Variants in MYO15A observed in about 807,000 individuals in gnomAD.
MYO15A encodes the protein myosin XVA.
MYO15A carries 308 observed loss-of-function variants against 394.6 expected under a neutral mutation model. The ratio of observed to expected loss-of-function variants is 0.78; its 90% CI spans 0.71 to 0.86. The LOEUF is 0.86. Among genes scored for constraint, MYO15A ranks in the 40% least tolerant of loss-of-function variants. MYO15A has a pLI of 0.00. For synonymous variants in MYO15A, 1,957 were observed against 2,003.8 expected, an observed-to-expected ratio of 0.98 and a Z score of 0.62; for missense variants, 4,606 against 4,799.1, an observed-to-expected ratio of 0.96 and a Z score of 1.19.
At chr17:18,156,103 C>T (rs2046670220) in intron 47 of MYO15A, 92 bp from the exon 48 acceptor site, 1 of 1,600,012 alleles carries the variant, frequency 6.2e-7, no homozygotes, top group East Asian at 2.2e-5. Context: ...GGCTGGGCTT[C>T]AAATGGGGCA....
intron 15 of MYO15A, among the ~76,000 whole-genome samples, chr17:18,136,942 CT>C (rs2046290183): frequency 6.6e-6 from 1 of 152,260 alleles, no homozygotes. Context: ...GGGCCCTGCC[CT>C]TGGGGAGCTT....
In MYO15A at chr17:18,168,567, CAAAAA is replaced by C. The variant is rs769813064; in HGVS notation, c.10082+853_10082+857del. On this transcript the variant is annotated intron_variant, in intron 62 of 65. Coordinates refer to ENST00000647165, the MANE Select transcript of MYO15A (RefSeq NM_016239.4). ...GGGGTGACAGAGCAAGACTCCGTCTCAAAAAAAAAAAAAGAAAGAAAAGAAACAGG... is the reference window on the plus strand; with the variant it reads ...GGGGTGACAGAGCAAGACTCCGTCTCAAAAAAAAGAAAGAAAAGAAACAGG... 1.3e-4 allele frequency among the ~76,000 whole-genome samples: 13 copies of C among 98,558 alleles called. 1 individual carries two copies. In the Admixed American group the frequency reaches 1.3e-3, roughly 10 times the overall value. 64.7% of individuals were successfully genotyped at this position (98,558 alleles called of 152,430 possible). A position where few individuals can be genotyped will look rare whatever the true frequency, so the allele number is the denominator to read the frequency against.
Position 18,157,863 on chromosome 17 carries a change from C to T in MYO15A, c.8930C>T (p.Ser2977Phe), listed in dbSNP as rs2079525775. The T allele has an allele frequency of 6.7e-7, 1 of 1,489,240 alleles. No individual in the cohort carries two copies. Among genetic ancestry groups the T allele is most frequent in the Non-Finnish European group, 9.0e-7 (1 of 1,114,880 alleles). The allele number at this position is 1,489,240 out of a possible 1,614,324, so 92.3% of individuals were successfully genotyped here. A position where few individuals can be genotyped will look rare whatever the true frequency, so the allele number is the denominator to read the frequency against. ...RAAAVAAAVA[S>F]AAAAQEVGRR... is the part of the protein sequence containing the mutation. ...GCCGCCGTGGCCGCTGCTGTGGCCT[C>T]TGCAGCCGCTGCACAGGAGGTGGGC... The change falls in exon 51 of 66, where the codon TCT (serine) becomes TTT (phenylalanine). Residue 2977 changes from serine to phenylalanine, a missense_variant. Physicochemically the swap from Ser to Phe is radical, Grantham distance 155 (BLOSUM62 -2). Transcript: ENST00000647165.
At position 18,126,452 on chromosome 17, in the gene MYO15A, C is replaced by T. The variant is rs768074874; in HGVS notation, c.3862C>T (p.Pro1288Ser). The change falls in exon 5 of 66, where the codon CCC (proline) becomes TCC (serine). Residue 1288 changes from proline (P) to serine (S), a missense_variant. Around this residue, in one of 2 missense-constraint regions of MYO15A, gnomAD observed 2,776 missense variants for 3,109.3 expected, o/e 0.89. Transcript: ENST00000647165. ...QYNGRALGENPPHLFAVANLA... is the reference protein window; with the variant it reads ...QYNGRALGENSPHLFAVANLA... Reference sequence around the variant, plus strand: ...CAACGGACGGGCCCTGGGAGAGAATCCCCCGTGAGTGTCTCGGGGGCGCTG... The same window carrying T: ...CAACGGACGGGCCCTGGGAGAGAATTCCCCGTGAGTGTCTCGGGGGCGCTG... 1.5e-5 allele frequency: 24 copies of T among 1,613,600 alleles called. No homozygotes were observed. The highest frequency in any genetic ancestry group is 1.9e-5 in the Non-Finnish European group (22 of 1,179,906).
intron 33 of MYO15A, 130 bp from the exon 34 acceptor site, chr17:18,149,086 G>A: frequency 1.4e-6 from 2 of 1,480,030 alleles, no homozygotes; most frequent in Non-Finnish European, 1.8e-6. Flanking sequence ...GGTTCTTAAG[G>A]AGGTAGAGTT....
chr17:18,132,407 C>G lies in MYO15A; in HGVS notation c.4207-46C>G. ...GCTTGTATGTGTGCCTGGGGGTCAC[C>G]TAGGTAGGTGGCTCCCTTCTCTGTG... On this transcript the variant is annotated intron_variant, in intron 10 of 65. Coordinates refer to ENST00000647165, the MANE Select transcript of MYO15A (RefSeq NM_016239.4). The surrounding 1 kb of genome is among the most constrained non-coding windows in gnomAD (Gnocchi z 4.6). The G allele has an allele frequency of 1.3e-6, 2 of 1,512,480 alleles. No individual in the cohort carries two copies. Among genetic ancestry groups the G allele is most frequent in the Non-Finnish European group, 9.2e-7 (1 of 1,089,504 alleles). 93.7% of individuals were successfully genotyped at this position (1,512,480 alleles called of 1,614,324 possible).
At chr17:18,141,224 G>A (rs2046373731) in intron 22 of MYO15A, 81 bp downstream of exon 22, 1 of 1,596,550 alleles carries the variant, frequency 6.3e-7, no homozygotes, top group African/African-American at 1.3e-5. Flanking sequence ...AACCCAGGCA[G>A]TACAGGGCTT....
intron 65 of MYO15A, among the ~76,000 whole-genome samples, chr17:18,175,210 C>A (rs1454079675): frequency 6.6e-6 from 1 of 151,606 alleles, no homozygotes; most frequent in East Asian, 1.9e-4. Context: ...TGAGCCACTG[C>A]ACCCAGCCTT....
At position 18,137,100 on chromosome 17, in the gene MYO15A, T is replaced by TG. The variant is rs556357971; in HGVS notation, c.4779+420dup. On this transcript the variant is annotated intron_variant, in intron 15 of 65. Transcript: ENST00000647165. ...AGGTCTGGGACTGGACTTCGTGTGT[T>TG]GGGGGGTGACTGTTTTGTGAGTGCA... Among the ~76,000 whole-genome samples, 413 of 152,164 alleles carry TG rather than the reference T, an allele frequency of 2.7e-3. 4 individuals carry two copies. Among genetic ancestry groups the TG allele is most frequent in the African/African-American group, 9.5e-3 (394 of 41,514 alleles).
chr17:18,123,971 G>A (rs1297321206), intron 2 of MYO15A: 1 of 199,220 alleles, frequency 5.0e-6, no homozygotes, highest in Non-Finnish European at 1.1e-5. Context: ...GTGTGCCTGG[G>A]AGTTGTATGA....
Position 18,142,165 on chromosome 17 carries a change from C to T in MYO15A, c.5736C>T (p.Cys1912=), listed in dbSNP as rs914377883. The change falls in exon 24 of 66, where the codon TGC becomes TGT. Residue 1912 remains cysteine (C), a synonymous_variant. Transcript: ENST00000647165. ...TGGCAGCCCTCACTCTGCAGCGCTG[C>T]CTCCGTGGCTTCTTCATTAAGCGGC... The part of the protein sequence containing the change: ...LNLAALTLQR[C]LRGFFIKRRF... 35 of 1,613,930 alleles carry T rather than the reference C, an allele frequency of 2.2e-5. No homozygotes were observed. Among genetic ancestry groups the T allele is most frequent in the Non-Finnish European group, 3.0e-5 (35 of 1,180,034 alleles).
At position 18,120,187 on chromosome 17, in the gene MYO15A, A is replaced by G. The variant is rs201794569; in HGVS notation, c.1387A>G (p.Met463Val). The G allele has an allele frequency of 1.4e-3, 2,236 of 1,612,908 alleles. 5 individuals carry two copies. Among genetic ancestry groups the G allele is most frequent in the Middle Eastern group, 2.3e-3 (14 of 6,062 alleles). Residue 463 changes from methionine (M) to valine (V), a missense_variant, in exon 2 of 66, where the codon ATG becomes GTG. By Grantham distance (21) the Met-to-Val change is conservative (BLOSUM62 1). This residue lies in a region of MYO15A where 1,830 missense variants were observed against 1,689.7 expected (regional missense o/e 1.08). Coordinates refer to ENST00000647165, the MANE Select transcript of MYO15A (RefSeq NM_016239.4). ...PSAAFFEQQG[M>V]DKPARSKLSL... ...CGCCGCCTTCTTCGAGCAGCAAGGC[A>G]TGGATAAGCCCGCCAGGTCCAAGCT...
Position 18,167,735 on chromosome 17 carries a change from CCCT to C in MYO15A, c.10082+16_10082+18del, listed in dbSNP as rs1475375142. On this transcript the variant is annotated intron_variant, in intron 62 of 65. Transcript: ENST00000647165. ...TACCTGCCGAGCGTGTGAGCATCTGCCCTCCTGCCTCAGCTGGGGTGGACAGGC... is the reference window on the plus strand; with the variant it reads ...TACCTGCCGAGCGTGTGAGCATCTGCCCTGCCTCAGCTGGGGTGGACAGGC... The C allele has an allele frequency of 1.9e-6, 3 of 1,602,038 alleles. No homozygotes were observed. Among genetic ancestry groups the C allele is most frequent in the Non-Finnish European group, 2.5e-6 (3 of 1,179,920 alleles).
intron 13 of MYO15A, 125 bp from the exon 14 acceptor site, chr17:18,136,290 CTG>C (rs1375997186): frequency 8.4e-7 from 1 of 1,195,704 alleles, no homozygotes; most frequent in Non-Finnish European, 1.2e-6. Flanking sequence ...TGCCTAGTCT[CTG>C]TGTGCACAGT....
In MYO15A at chr17:18,135,808, T is replaced by C. The variant is rs2046256644; in HGVS notation, c.4580T>C (p.Ile1527Thr). ...QISPEGLQKA[I>T]TFKVTETMRE... is the part of the protein sequence containing the mutation. ...TCCCCTGAGGGCCTGCAGAAGGCCATCACCTTCAAAGTGACCGTGAGTCTG... is the reference window on the plus strand; with the variant it reads ...TCCCCTGAGGGCCTGCAGAAGGCCACCACCTTCAAAGTGACCGTGAGTCTG... Residue 1527 changes from isoleucine to threonine, a missense_variant, in exon 13 of 66, where the codon ATC (isoleucine) becomes ACC (threonine). Physicochemically the swap from Ile to Thr is moderately conservative, Grantham distance 89 (BLOSUM62 -1). Transcript: ENST00000647165. 6.2e-7 allele frequency: 1 copy of C among 1,613,964 alleles called. No homozygotes were observed. Among genetic ancestry groups the C allele is most frequent in the African/African-American group, 1.3e-5 (1 of 75,038 alleles).
At chr17:18,112,461 T>C (rs961830366) in intron 1 of MYO15A, among the ~76,000 whole-genome samples, 3 of 152,070 alleles carry the variant, frequency 2.0e-5, no homozygotes, top group Non-Finnish European at 4.4e-5. Flanking sequence ...AGTGGTGCAA[T>C]CTTGGCTCAC....
chr17:18,164,659 GCGAAGCC>G (rs1329780328), intron 60 of MYO15A: 1 of 151,970 alleles, frequency 6.6e-6, no homozygotes, highest in Non-Finnish European at 1.5e-5. Flanking sequence ...GGCCAACATG[GCGAAGCC>G]CCATCTCTAC....
Position 18,161,432 on chromosome 17 carries a change from G to T in MYO15A, c.9502G>T (p.Gly3168Cys). 6.2e-7 allele frequency: 1 copy of T among 1,613,934 alleles called. No homozygotes were observed. The change falls in exon 57 of 66, where the codon GGC (glycine) becomes TGC (cysteine). Residue 3168 changes from glycine to cysteine, a missense_variant. Around this residue, in one of 2 missense-constraint regions of MYO15A, gnomAD observed 2,776 missense variants for 3,109.3 expected, o/e 0.89. Coordinates refer to ENST00000647165, the MANE Select transcript of MYO15A (RefSeq NM_016239.4). ...CCTCCAAGACGTGAGCCGGACCCCAGGCCTGCCCTTTCAGGGTGAGAGGTC... is the reference window on the plus strand; with the variant it reads ...CCTCCAAGACGTGAGCCGGACCCCATGCCTGCCCTTTCAGGGTGAGAGGTC... ...RFLQDVSRTP[G>C]LPFQGIAKAC...
At position 18,119,082 on chromosome 17, in the gene MYO15A, G is replaced by A; in HGVS notation, c.282G>A (p.Lys94=). Residue 94 remains lysine (K), a synonymous_variant, in exon 2 of 66, where the codon AAG becomes AAA. Coordinates refer to ENST00000647165, the MANE Select transcript of MYO15A (RefSeq NM_016239.4). ...SKLMTQMRMG[K]KKRAMKGKKP... ...TCATGACGCAGATGCGCATGGGCAA[G>A]AAGAAGCGGGCGATGAAGGGCAAGA... 1.2e-6 allele frequency: 2 copies of A among 1,612,010 alleles called. No homozygotes were observed. Among genetic ancestry groups the A allele is most frequent in the South Asian group, 2.2e-5 (2 of 90,968 alleles).
Sources: gnomAD v4.1 joint callset for allele counts (sites outside exome capture counted in the v4.1 genomes callset) on GRCh38, gnomAD v4.1.1 for gene constraint, gnomAD v4.1.1 regional missense constraint, Gnocchi (gnomAD v3.1) non-coding constraint, MANE v1.5 for transcripts, NCBI Gene and HGNC (gene_info 2026-07-23, HGNC 2026-07-21) for gene names.